Variants in WDR25 observed in about 807,000 individuals in gnomAD.
The protein encoded by WDR25 is WD repeat-containing protein 25.
In WDR25, 35 loss-of-function variants were observed where a neutral mutation model predicts 47.7. The ratio of observed to expected loss-of-function variants is 0.73; its 90% confidence interval spans 0.56 to 0.97. The LOEUF is 0.97. WDR25 is among the 50% of genes least tolerant of loss of function. The pLI is 0.00. For synonymous variants in WDR25, 248 were observed against 278.9 expected (o/e 0.89, Z 1.10); for missense variants, 634 against 704.7 (o/e 0.90, Z 1.14).
intron 2 of WDR25, among the ~76,000 whole-genome samples, chr14:100,450,021 T>C (rs1236400615): frequency 1.3e-5 from 2 of 152,256 alleles, no homozygotes; most frequent in Non-Finnish European, 2.9e-5. Context: ...CTCTCCCCTC[T>C]GCGCACCCTC....
chr14:100,481,461 T>C (rs1008315458), intron 3 of WDR25, among the ~76,000 whole-genome samples: 1 of 140,260 alleles, frequency 7.1e-6, no homozygotes, highest in Non-Finnish European at 1.5e-5. Flanking sequence ...TTTTAAGAGG[T>C]GAAATCATTT....
intron 4 of WDR25, among the ~76,000 whole-genome samples, chr14:100,510,235 A>C (rs1595159638): frequency 6.6e-6 from 1 of 150,846 alleles, no homozygotes; most frequent in African/African-American, 2.4e-5. Context: ...GCACCACTGC[A>C]CTCCAGCCTG....
In WDR25 at chr14:100,486,018, T is replaced by A. The variant is rs539326367; in HGVS notation, c.1101+1894T>A. On this transcript the variant is annotated intron_variant, in intron 4 of 6. Coordinates refer to ENST00000402312, the MANE Select transcript of WDR25 (RefSeq NM_001161476.3). Reference sequence around the variant, plus strand: ...AAAATATTTGGAAAAGGGAGGAAATTACCCATAAAGAAGTGGACACAGTGG... The same window carrying A: ...AAAATATTTGGAAAAGGGAGGAAATAACCCATAAAGAAGTGGACACAGTGG... 2.6e-5 allele frequency among the ~76,000 whole-genome samples: 4 copies of A among 151,534 alleles called. No individual in the cohort carries two copies. The East Asian group carries it at 7.7e-4, about 29-fold the overall frequency.
chr14:100,405,321 C>T (rs959324921), intron 2 of WDR25, among the ~76,000 whole-genome samples: 16 of 152,154 alleles, frequency 1.1e-4, no homozygotes, highest in African/African-American at 3.9e-4. Context: ...ACCACCACGC[C>T]TGGCTAATTT....
chr14:100,450,267 C>G (rs894220607), intron 2 of WDR25, among the ~76,000 whole-genome samples: 1 of 152,210 alleles, frequency 6.6e-6, no homozygotes. Context: ...GCCAGTCCCC[C>G]AGGCTGTGTG....
chr14:100,505,950 G>T (rs927843958), intron 4 of WDR25, among the ~76,000 whole-genome samples: 1 of 152,058 alleles, frequency 6.6e-6, no homozygotes, highest in African/African-American at 2.4e-5. Context: ...GGGGATACAC[G>T]TGCAGGTTTG....
At chr14:100,401,060 G>A (rs947127991) in intron 2 of WDR25, among the ~76,000 whole-genome samples, 2 of 152,180 alleles carry the variant, frequency 1.3e-5, no homozygotes, top group African/African-American at 2.4e-5. Context: ...GAAAATAAGC[G>A]TGTTTAATTA....
chr14:100,454,738 A>C (rs970606008), intron 2 of WDR25: 3 of 325,198 alleles, frequency 9.2e-6, no homozygotes, highest in African/African-American at 6.5e-5. Flanking sequence ...GGCTTGAAGA[A>C]CCAGAGGACA....
chr14:100,479,371 G>A lies in WDR25; in HGVS notation c.971-4623G>A, dbSNP rs1900125338. 2.0e-5 allele frequency among the ~76,000 whole-genome samples: 3 copies of A among 151,968 alleles called. No individual in the cohort carries two copies. The South Asian group carries it at 6.2e-4, about 32-fold the overall frequency. On this transcript the variant is annotated intron_variant, in intron 3 of 6. Transcript: ENST00000402312. Reference sequence around the variant, plus strand: ...GTGGGGTTTGTCATGCTCTGTAGAAGGCTTTATGTACCACCTTGAGTTCCA... The same window carrying A: ...GTGGGGTTTGTCATGCTCTGTAGAAAGCTTTATGTACCACCTTGAGTTCCA...
chr14:100,402,357 G>C (rs1897404087), intron 2 of WDR25, among the ~76,000 whole-genome samples: 1 of 151,136 alleles, frequency 6.6e-6, no homozygotes, highest in African/African-American at 2.4e-5. Flanking sequence ...CTTTGTTATT[G>C]CTTTCTCCTA....
intron 3 of WDR25, among the ~76,000 whole-genome samples, chr14:100,477,720 G>T (rs1349645160): frequency 6.6e-6 from 1 of 152,174 alleles, no homozygotes; most frequent in East Asian, 1.9e-4. Context: ...GTAAAGGGCA[G>T]CCCAGGGCGT....
At position 100,500,398 on chromosome 14, in the gene WDR25, T is replaced by A. The variant is rs1900879667; in HGVS notation, c.1101+16274T>A. On this transcript the variant is annotated intron_variant, in intron 4 of 6. Transcript: ENST00000402312. The surrounding 1 kb of genome is among the most constrained non-coding windows in gnomAD (Gnocchi z 4.7). ...CCGAGGAGGGTGAAGTGGCTCTGGC[T>A]GTGGAGGGTGGAGAAGGAGGGGTGG... Among the ~76,000 whole-genome samples, 1 of 152,026 alleles carries A rather than the reference T, an allele frequency of 6.6e-6. No individual in the cohort carries two copies. Among genetic ancestry groups the A allele is most frequent in the Admixed American group, 6.5e-5 (1 of 15,268 alleles).
intron 4 of WDR25, among the ~76,000 whole-genome samples, chr14:100,514,442 T>C (rs1039032617): frequency 6.6e-6 from 1 of 152,136 alleles, no homozygotes; most frequent in African/African-American, 2.4e-5. Context: ...ATTTGTTCCA[T>C]CTCTTCTCCC....
chr14:100,475,534 A>G (rs1595127234), intron 3 of WDR25, among the ~76,000 whole-genome samples: 1 of 152,236 alleles, frequency 6.6e-6, no homozygotes, highest in South Asian at 2.1e-4. Flanking sequence ...AGGCACAGAA[A>G]GACAAATACT....
intron 4 of WDR25, among the ~76,000 whole-genome samples, chr14:100,507,159 G>A (rs1259880584): frequency 6.6e-6 from 1 of 152,178 alleles, no homozygotes; most frequent in Admixed American, 6.5e-5. Flanking sequence ...TATTGCAAAG[G>A]GAATCTTTTC....
intron 3 of WDR25, among the ~76,000 whole-genome samples, chr14:100,475,587 GT>G: frequency 1.3e-5 from 2 of 152,268 alleles, no homozygotes; most frequent in Admixed American, 1.3e-4. Flanking sequence ...AGTTGATCTC[GT>G]AGAAGCGTTG....
At position 100,381,485 on chromosome 14, in the gene WDR25, A is replaced by C; in HGVS notation, c.561A>C (p.Leu187Phe). The C allele has an allele frequency of 6.2e-7, 1 of 1,614,124 alleles. No individual in the cohort carries two copies. Among genetic ancestry groups the C allele is most frequent in the Non-Finnish European group, 8.5e-7 (1 of 1,180,018 alleles). ...TPRRLRQRQA[L>F]STETGKGKDV... is the part of the protein sequence containing the mutation. ...GAAGACTAAGACAGCGGCAGGCATT[A>C]AGCACGGAGACAGGCAAGGGTAAAG... The change falls in exon 2 of 7, where the codon TTA becomes TTC. Residue 187 changes from leucine (L) to phenylalanine (F), a missense_variant. By Grantham distance (22) the Leu-to-Phe change is conservative (BLOSUM62 0). Coordinates refer to ENST00000402312, the MANE Select transcript of WDR25 (RefSeq NM_001161476.3).
At chr14:100,462,294 A>G (rs899372477) in intron 2 of WDR25, among the ~76,000 whole-genome samples, 1 of 152,366 alleles carries the variant, frequency 6.6e-6, no homozygotes, top group South Asian at 2.1e-4. Flanking sequence ...TAGTTAATAC[A>G]TGAAATCATC....
At chr14:100,514,341 C>T (rs1901420738) in intron 4 of WDR25, among the ~76,000 whole-genome samples, 2 of 152,120 alleles carry the variant, frequency 1.3e-5, no homozygotes, top group Admixed American at 1.3e-4. Context: ...CTAACAATCT[C>T]TTCTTTCGAA....
Sources: gnomAD v4.1 joint callset for allele counts (sites outside exome capture counted in the v4.1 genomes callset) on GRCh38, gnomAD v4.1.1 for gene constraint, Gnocchi (gnomAD v3.1) non-coding constraint, MANE v1.5 for transcripts, NCBI Gene and HGNC (gene_info 2026-07-23, HGNC 2026-07-21) for gene names.